The following UHRF1 variants were observed in gnomAD, a reference collection of about 807,000 sequenced individuals.
The protein encoded by UHRF1 is ubiquitin like with PHD and ring finger domains 1, also known as E3 ubiquitin-protein ligase UHRF1.
UHRF1 carries 9 observed loss-of-function variants against 96.5 expected under a neutral mutation model. That is an observed-to-expected ratio of 0.09 (90% CI 0.06 to 0.16). UHRF1 has a LOEUF of 0.16. Among genes scored for constraint, UHRF1 ranks in the 10% least tolerant of loss-of-function variants. The probability of loss-of-function intolerance (pLI) is 1.00; values close to 1 mark genes in which losing one functional copy is unlikely to be tolerated. For synonymous variants in UHRF1, 455 were observed against 469.9 expected, an observed-to-expected ratio of 0.97 and a Z score of 0.41; for missense variants, 626 against 1,131.1, an observed-to-expected ratio of 0.55 and a Z score of 6.40.
intron 1 of UHRF1, among the ~76,000 whole-genome samples, chr19:4,903,966 C>T (rs566851368): frequency 2.0e-5 from 3 of 152,170 alleles, no homozygotes; most frequent in East Asian, 3.9e-4. Context: ...CAGCAACTCC[C>T]TGCATGATTG....
chr19:4,939,541 A>G (rs2033320765), intron 5 of UHRF1, among the ~76,000 whole-genome samples: 1 of 151,944 alleles, frequency 6.6e-6, no homozygotes, highest in Non-Finnish European at 1.5e-5. Context: ...AATCCTGGTC[A>G]TTTGTCCCAG....
chr19:4,937,206 C>T (rs1402786642), intron 5 of UHRF1, among the ~76,000 whole-genome samples: 2 of 151,888 alleles, frequency 1.3e-5, no homozygotes, highest in African/African-American at 4.8e-5. Context: ...CCCGACTCTC[C>T]ATAATTACAG....
intron 2 of UHRF1, among the ~76,000 whole-genome samples, chr19:4,927,009 C>A (rs2032893366): frequency 6.6e-6 from 1 of 151,670 alleles, no homozygotes; most frequent in Non-Finnish European, 1.5e-5. Flanking sequence ...TGCAGTGAGC[C>A]AAGATCGTGC....
Position 4,930,965 on chromosome 19 carries a change from G to A in UHRF1, c.569+89G>A. The A allele has an allele frequency of 1.9e-6, 3 of 1,541,296 alleles. No individual in the cohort carries two copies. The highest frequency in any genetic ancestry group is 2.7e-6 in the Non-Finnish European group (3 of 1,131,752). ...GGTGTTCAGGCCAGAGCTTGGCACT[G>A]TCTCGAGATGGTGATCAGGATCTGG... On this transcript the variant is annotated intron_variant, in intron 4 of 16. Transcript: ENST00000650932. The surrounding 1 kb of genome is among the most constrained non-coding windows in gnomAD (Gnocchi z 4.4).
Position 4,930,778 on chromosome 19 carries a change from C to T in UHRF1, c.471C>T (p.Val157=). ...GGGCGTGGTTTGAGGCGCAGGTGGTCAGGGTGACGCGGAAGGCCCCCTCCC... is the reference window on the plus strand; with the variant it reads ...GGGCGTGGTTTGAGGCGCAGGTGGTTAGGGTGACGCGGAAGGCCCCCTCCC... ...NMGAWFEAQV[V]RVTRKAPSRD... Residue 157 remains valine (V), a synonymous_variant, in exon 4 of 17, where the codon GTC becomes GTT. Transcript: ENST00000650932. The surrounding 1 kb of genome is among the most constrained non-coding windows in gnomAD (Gnocchi z 4.4). 6.2e-7 allele frequency: 1 copy of T among 1,613,942 alleles called. No individual in the cohort carries two copies. The highest frequency in any genetic ancestry group is 1.1e-5 in the South Asian group (1 of 91,088).
intron 5 of UHRF1, among the ~76,000 whole-genome samples, chr19:4,936,197 G>T (rs1201810671): frequency 6.6e-6 from 1 of 152,202 alleles, no homozygotes; most frequent in Non-Finnish European, 1.5e-5. Context: ...TTCCAGGGAT[G>T]CAGTGAGAGG....
intron 10 of UHRF1, among the ~76,000 whole-genome samples, 196 bp from the exon 11 acceptor site, chr19:4,946,909 G>C (rs2033582807): frequency 6.6e-6 from 1 of 152,086 alleles, no homozygotes; most frequent in East Asian, 1.9e-4. Flanking sequence ...GCACCACACT[G>C]TTTGTATAGT....
chr19:4,931,125 T>G (rs2033038594), intron 4 of UHRF1, among the ~76,000 whole-genome samples: 1 of 152,132 alleles, frequency 6.6e-6, no homozygotes, highest in Non-Finnish European at 1.5e-5. Flanking sequence ...TGCCACCCCA[T>G]CAGTTTTTCT....
In UHRF1 at chr19:4,950,226, A is replaced by G. The variant is rs186125695; in HGVS notation, c.1518-385A>G. ...GTGGCCTATTTTATAAATTATACATATATAACTTTGAAATATTAAATTTTT... is the reference window on the plus strand; with the variant it reads ...GTGGCCTATTTTATAAATTATACATGTATAACTTTGAAATATTAAATTTTT... On this transcript the variant is annotated intron_variant, in intron 11 of 16. Coordinates refer to ENST00000650932, the MANE Select transcript of UHRF1 (RefSeq NM_001048201.3). Among the ~76,000 whole-genome samples the G allele has an allele frequency of 4.2e-3, 636 of 150,286 alleles. 4 individuals are homozygous for G. The highest frequency in any genetic ancestry group is 0.013 in the Admixed American group (191 of 14,914).
rs926795856 is a variant in UHRF1 at position 4,951,139 on chromosome 19, G to A, written c.1818+143G>A. ...AAATTAGCTGGGTATGGTGGCGGGT[G>A]CCTGTAATCCCAGCTACTGAGGTGG... On this transcript the variant is annotated intron_variant, in intron 13 of 16. Coordinates refer to ENST00000650932, the MANE Select transcript of UHRF1 (RefSeq NM_001048201.3). 2.3e-4 allele frequency: 272 copies of A among 1,172,452 alleles called. 2 individuals are homozygous for A. The highest frequency in any genetic ancestry group is 3.0e-4 in the Non-Finnish European group (259 of 864,040). The allele number at this position is 1,172,452 out of a possible 1,614,324, so 72.6% of individuals were successfully genotyped here. A position where few individuals can be genotyped will look rare whatever the true frequency, so the allele number is the denominator to read the frequency against.
chr19:4,960,634 C>G, intron 16 of UHRF1, 23 bp from the exon 17 acceptor site: 3 of 1,610,354 alleles, frequency 1.9e-6, no homozygotes, highest in East Asian at 2.2e-5. Context: ...TGGCACTTCT[C>G]ACGCGCCTGC....
At chr19:4,955,700 G>A (rs1055488733) in intron 15 of UHRF1, among the ~76,000 whole-genome samples, 11 of 151,926 alleles carry the variant, frequency 7.2e-5, no homozygotes, top group African/African-American at 2.2e-4. Flanking sequence ...TTTGGTCCCC[G>A]CACTTAGCTC....
Position 4,910,871 on chromosome 19 carries a change from C to T in UHRF1, c.-10-5C>T, listed in dbSNP as rs1253159631. 1.2e-6 allele frequency: 2 copies of T among 1,601,284 alleles called. No homozygotes were observed. Among genetic ancestry groups the T allele is most frequent in the Non-Finnish European group, 1.7e-6 (2 of 1,172,040 alleles). ...GATGGGGGTTTTTGCTGTCCCTCCC[C>T]TCAGCGCCGACACCATGTGGATCCA... On this transcript the variant is annotated splice_region_variant and splice_polypyrimidine_tract_variant and intron_variant, in intron 1 of 16. Coordinates refer to ENST00000650932, the MANE Select transcript of UHRF1 (RefSeq NM_001048201.3).
chr19:4,959,763 C>T (rs1418885692), intron 16 of UHRF1, among the ~76,000 whole-genome samples: 4 of 152,280 alleles, frequency 2.6e-5, no homozygotes, highest in East Asian at 3.9e-4. Flanking sequence ...AGTGCAATGG[C>T]GTGATCATGG....
Position 4,930,833 on chromosome 19 carries a change from C to G in UHRF1, c.526C>G (p.Pro176Ala), listed in dbSNP as rs2033027731. ...RDEPCSSTSR[P>A]ALEEDVIYHV... The stretch of plus-strand genomic sequence containing the variant: ...CGAGCCCTGCAGCTCCACGTCCAGG[C>G]CGGCGCTGGAGGAGGACGTCATTTA... Residue 176 changes from proline to alanine, a missense_variant, in exon 4 of 17, where the codon CCG (proline) becomes GCG (alanine). Coordinates refer to ENST00000650932, the MANE Select transcript of UHRF1 (RefSeq NM_001048201.3). The surrounding 1 kb of genome is among the most constrained non-coding windows in gnomAD (Gnocchi z 4.4). 4 of 1,613,838 alleles carry G rather than the reference C, an allele frequency of 2.5e-6. 1 individual carries two copies. The South Asian group carries it at 4.4e-5, about 18-fold the overall frequency.
chr19:4,929,201 C>T (rs1245639875), intron 2 of UHRF1, 21 bp from the exon 3 acceptor site: 1 of 1,600,740 alleles, frequency 6.2e-7, no homozygotes, highest in Admixed American at 1.7e-5. Flanking sequence ...TAAACAGCGT[C>T]TGCCTCTGGT....
rs113782273 is a variant in UHRF1 at position 4,938,623 on chromosome 19, C to T, written c.786-2905C>T. ...GCTCACTGCAACCCCCAGATCCTGG[C>T]TTCAAGCGATCCTGACCTCAGGTGA... On this transcript the variant is annotated intron_variant, in intron 5 of 16. Coordinates refer to ENST00000650932, the MANE Select transcript of UHRF1 (RefSeq NM_001048201.3). 3.3e-5 allele frequency among the ~76,000 whole-genome samples: 5 copies of T among 149,518 alleles called. No individual in the cohort carries two copies. The East Asian group carries it at 1.0e-3, about 30-fold the overall frequency.
chr19:4,930,968 T>C lies in UHRF1; in HGVS notation c.569+92T>C. 6.5e-7 allele frequency: 1 copy of C among 1,534,400 alleles called. No homozygotes were observed. The highest frequency in any genetic ancestry group is 1.2e-5 in the South Asian group (1 of 83,398). ...GTTCAGGCCAGAGCTTGGCACTGTC[T>C]CGAGATGGTGATCAGGATCTGGGGC... On this transcript the variant is annotated intron_variant, in intron 4 of 16. Transcript: ENST00000650932. This position sits in a 1 kb window ranked among gnomAD's most constrained non-coding sequence, Gnocchi z 4.4.
intron 2 of UHRF1, among the ~76,000 whole-genome samples, chr19:4,914,706 G>C (rs377766961): frequency 1.3e-5 from 2 of 150,760 alleles, no homozygotes; most frequent in South Asian, 4.2e-4. Flanking sequence ...TGTCTTTTGC[G>C]GCACCTTTAA....
Sources: gnomAD v4.1 joint callset for allele counts (sites outside exome capture counted in the v4.1 genomes callset) on GRCh38, gnomAD v4.1.1 for gene constraint, Gnocchi (gnomAD v3.1) non-coding constraint, MANE v1.5 for transcripts, NCBI Gene and HGNC (gene_info 2026-07-23, HGNC 2026-07-21) for gene names.